The following DHRS12 variants were observed in gnomAD, a reference collection of about 807,000 sequenced individuals.
The protein encoded by DHRS12 is dehydrogenase/reductase 12.
A neutral mutation model predicts 32.1 loss-of-function variants in DHRS12; 29 were observed. The ratio of observed to expected loss-of-function variants is 0.90; its 90% CI spans 0.67 to 1.23. The LOEUF is 1.23. Among genes scored for constraint, DHRS12 ranks in the 50% most tolerant of loss-of-function variants. DHRS12 has a pLI of 0.00. For missense variants in DHRS12, 330 were observed against 337.2 expected (o/e 0.98, Z 0.17); for synonymous variants, 150 against 135.9 (o/e 1.10, Z -0.72).
chr13:51,760,165 T>C, the DHRS12 span: 1 of 163,512 alleles, frequency 6.1e-6, no homozygotes, highest in Non-Finnish European at 1.3e-5. Flanking sequence ...TTTCTGTGTT[T>C]ACTTCAACAT....
intron 4 of DHRS12, among the ~76,000 whole-genome samples, chr13:51,788,027 T>C (rs1317911804): frequency 6.7e-6 from 1 of 149,510 alleles, no homozygotes; most frequent in Non-Finnish European, 1.5e-5. Context: ...AGATGGTGGG[T>C]GGATGGGTGA....
At chr13:51,801,811 C>G (rs544590019) in intron 1 of DHRS12, among the ~76,000 whole-genome samples, 1 of 152,204 alleles carries the variant, frequency 6.6e-6, no homozygotes, top group African/African-American at 2.4e-5. Flanking sequence ...GAGCCCTTCT[C>G]CAGGGGCAGG....
At chr13:51,801,674 G>C (rs114239864) in intron 1 of DHRS12, among the ~76,000 whole-genome samples, 1 of 152,122 alleles carries the variant, frequency 6.6e-6, no homozygotes, top group Non-Finnish European at 1.5e-5. Flanking sequence ...AGGCTTTTCC[G>C]GTAGAGGCAA....
chr13:51,758,277 T>G, the DHRS12 span: 8 of 1,595,612 alleles, frequency 5.0e-6, no homozygotes, highest in Non-Finnish European at 6.9e-6. Flanking sequence ...GTTACTGACT[T>G]CTGGAACTGA....
At chr13:51,771,146 T>G in intron 7 of DHRS12, 1 of 1,522,622 alleles carries the variant, frequency 6.6e-7, no homozygotes, top group Non-Finnish European at 8.8e-7. Context: ...CACAGAGGCT[T>G]GAGGACAAAT....
chr13:51,799,507 T>A (rs757699252), intron 2 of DHRS12, 27 bp downstream of exon 2: 1 of 1,611,782 alleles, frequency 6.2e-7, no homozygotes, highest in Non-Finnish European at 8.5e-7. Context: ...TGGGGCTCAG[T>A]GGACACACGT....
At chr13:51,772,808 A>G in intron 6 of DHRS12, 2 of 985,448 alleles carry the variant, frequency 2.0e-6, no homozygotes, top group South Asian at 9.4e-5. Flanking sequence ...CCTCTGGGAA[A>G]ACTGTAAAGA....
intron 6 of DHRS12, among the ~76,000 whole-genome samples, chr13:51,772,316 C>T (rs781182302): frequency 5.3e-5 from 8 of 152,208 alleles, no homozygotes; most frequent in South Asian, 2.1e-4. Flanking sequence ...CAGCACAGAC[C>T]GGCATACGGT....
intron 4 of DHRS12, among the ~76,000 whole-genome samples, chr13:51,781,277 G>T (rs1593530621): frequency 6.6e-6 from 1 of 152,166 alleles, no homozygotes; most frequent in South Asian, 2.1e-4. Context: ...GGTATTCTTG[G>T]TTTGGGCTCA....
At position 51,771,547 on chromosome 13, in the gene DHRS12, T is replaced by G. The variant is rs566334131; in HGVS notation, c.559+274A>C. The G allele has an allele frequency of 9.3e-6, 15 of 1,606,902 alleles. No homozygotes were observed. In the East Asian group the frequency reaches 3.1e-4, roughly 33 times the overall value. ...GGCTCCCTCTCTCACCAGGATATGC[T>G]GTAGTTAGCAGGGCGCCCCAGGCGC... On this transcript the variant is annotated intron_variant, in intron 7 of 8. Coordinates refer to ENST00000444610, the MANE Select transcript of DHRS12 (RefSeq NM_001377533.1).
chr13:51,800,109 A>C lies in DHRS12; in HGVS notation c.-8-442T>G, dbSNP rs149737243. On this transcript the variant is annotated intron_variant, in intron 1 of 8. Transcript: ENST00000444610. ...AAACGGGGGAGATTTGCAAGTAGGG[A>C]ATAAAGGAGGAGGATGGTAGAGTTA... is the stretch of plus-strand genomic sequence containing the variant. Among the ~76,000 whole-genome samples, 369 of 152,206 alleles carry C rather than the reference A, an allele frequency of 2.4e-3. 1 individual carries two copies. Among genetic ancestry groups the C allele is most frequent in the African/African-American group, 8.3e-3 (345 of 41,498 alleles).
At chr13:51,765,007 C>G (rs9535755), downstream of DHRS12, 18,787 of 152,292 alleles carry the variant, frequency 0.12, 1,441 homozygotes, top group South Asian at 0.22. Context: ...ACTTCCTGCT[C>G]TTGCAAGTCA....
At chr13:51,796,582 T>A (rs1434641368) in intron 2 of DHRS12, among the ~76,000 whole-genome samples, 1 of 152,120 alleles carries the variant, frequency 6.6e-6, no homozygotes. Flanking sequence ...ATCCATATTA[T>A]CATCATTTTT....
At position 51,770,889 on chromosome 13, in the gene DHRS12, T is replaced by C. The variant is rs1953979442; in HGVS notation, c.559+932A>G. On this transcript the variant is annotated intron_variant, in intron 7 of 8. Transcript: ENST00000444610. ...GAACAGATTTTGCACAGGTGTTCTA[T>C]AATTTATTAACTTCATCTCCTACCA... is the stretch of plus-strand genomic sequence containing the variant. 3.5e-6 allele frequency: 4 copies of C among 1,155,048 alleles called. No homozygotes were observed. The South Asian group carries it at 7.4e-5, about 21-fold the overall frequency. The allele number at this position is 1,155,048 out of a possible 1,614,324, so 71.5% of individuals were successfully genotyped here.
At chr13:51,771,112 G>A in intron 7 of DHRS12, 2 of 1,479,506 alleles carry the variant, frequency 1.4e-6, no homozygotes, top group South Asian at 2.8e-5. Flanking sequence ...AAATGGGTGT[G>A]ATAATAGACA....
chr13:51,758,392 T>C, the DHRS12 span: 2 of 937,610 alleles, frequency 2.1e-6, no homozygotes, highest in Middle Eastern at 2.5e-4. Flanking sequence ...GTTCTAAAGG[T>C]TATCCTTGGG....
intron 5 of DHRS12, chr13:51,776,154 A>G (rs1047290533): frequency 9.7e-6 from 1 of 103,244 alleles, no homozygotes; most frequent in African/African-American, 4.7e-5. Flanking sequence ...ATTCTCCTAC[A>G]TGTATTCTAC....
Position 51,769,304 on chromosome 13 carries a change from G to C in DHRS12, c.560-11C>G. On this transcript the variant is annotated splice_polypyrimidine_tract_variant and intron_variant, in intron 7 of 8. Coordinates refer to ENST00000444610, the MANE Select transcript of DHRS12 (RefSeq NM_001377533.1). ...TCGCCTGCCTCACACCTGGGAGAAG[G>C]AAGGGTCAGGCGGATTAGGACAGCA... 1 of 1,551,174 alleles carries C rather than the reference G, an allele frequency of 6.4e-7. No individual in the cohort carries two copies. The highest frequency in any genetic ancestry group is 1.2e-5 in the South Asian group (1 of 83,002).
rs763732348 is a variant in DHRS12, at chr13:51,797,988, A to G, written c.126+1546T>C. ...GCTCTTCCTAATGAAAAATGAAGAC[A>G]TATGGGCTCACAGTTGACACTCTTC... is the stretch of plus-strand genomic sequence containing the variant. On this transcript the variant is annotated intron_variant, in intron 2 of 8. Transcript: ENST00000444610. 1.8e-4 allele frequency: 250 copies of G among 1,369,344 alleles called. 1 individual carries two copies. Among genetic ancestry groups the G allele is most frequent in the Non-Finnish European group, 2.4e-4 (237 of 998,106 alleles). 84.8% of individuals were successfully genotyped at this position (1,369,344 alleles called of 1,614,324 possible).
Sources: gnomAD v4.1 joint callset for allele counts (sites outside exome capture counted in the v4.1 genomes callset) on GRCh38, gnomAD v4.1.1 for gene constraint, MANE v1.5 for transcripts, NCBI Gene and HGNC (gene_info 2026-07-23, HGNC 2026-07-21) for gene names.